Variants in GMDS observed in about 807,000 individuals in gnomAD.
GMDS encodes the protein GDP-mannose 4,6-dehydratase.
In GMDS, 20 loss-of-function variants were observed where a neutral mutation model predicts 49.9. The ratio of observed to expected loss-of-function variants is 0.40; its 90% CI spans 0.28 to 0.58. The LOEUF is 0.58. Among genes scored for constraint, GMDS ranks in the 20% least tolerant of loss-of-function variants. GMDS has a pLI of 0.42. For synonymous variants in GMDS, 177 were observed against 178.6 expected, an observed-to-expected ratio of 0.99 and a Z score of 0.07; for missense variants, 362 against 481.4, an observed-to-expected ratio of 0.75 and a Z score of 2.32.
intron 4 of GMDS, among the ~76,000 whole-genome samples, chr6:2,063,728 A>G (rs1384833157): frequency 6.6e-6 from 1 of 152,196 alleles, no homozygotes; most frequent in Non-Finnish European, 1.5e-5. Flanking sequence ...GCATTCGTGG[A>G]GCCCAAGGTC....
intron 2 of GMDS, among the ~76,000 whole-genome samples, chr6:2,122,086 C>G (rs1032449995): frequency 6.6e-6 from 1 of 152,176 alleles, no homozygotes; most frequent in Non-Finnish European, 1.5e-5. Flanking sequence ...TAGTATACCT[C>G]ATACAAAGGC....
At chr6:2,130,217 AT>A (rs1236526264) in intron 1 of GMDS, among the ~76,000 whole-genome samples, 2 of 152,264 alleles carry the variant, frequency 1.3e-5, no homozygotes, top group Non-Finnish European at 2.9e-5. Context: ...TAGAGCAATA[AT>A]TAACTAATTA....
At chr6:1,655,706 T>TGTTG (rs747119543) in intron 9 of GMDS, among the ~76,000 whole-genome samples, 4 of 152,176 alleles carry the variant, frequency 2.6e-5, no homozygotes, top group Non-Finnish European at 5.9e-5. Context: ...GGTTTCACCA[T>TGTTG]GTTGGCCAGG....
intron 4 of GMDS, among the ~76,000 whole-genome samples, chr6:1,965,133 T>C (rs1467872051): frequency 6.6e-6 from 1 of 152,146 alleles, no homozygotes; most frequent in Non-Finnish European, 1.5e-5. Context: ...GCAATAAACA[T>C]ATGTGTGCAT....
Position 2,068,062 on chromosome 6 carries a change from C to T in GMDS, c.345+47709G>A, listed in dbSNP as rs1448393158. ...TCCAGCAGCACATCAAAAAGCTTAT[C>T]CACCATGATCAAGTGGGCTTCATCC... On this transcript the variant is annotated intron_variant, in intron 4 of 10. Transcript: ENST00000380815. Among the ~76,000 whole-genome samples, 14 of 148,638 alleles carry T rather than the reference C, an allele frequency of 9.4e-5. 1 individual carries two copies. In the East Asian group the frequency reaches 1.8e-3, roughly 19 times the overall value.
chr6:1,984,753 G>C (rs560983772), intron 4 of GMDS, among the ~76,000 whole-genome samples: 7 of 152,138 alleles, frequency 4.6e-5, no homozygotes, highest in Non-Finnish European at 7.3e-5. Context: ...CAGAGCTTTC[G>C]GGTGAAGTTC....
chr6:1,744,581 GTTAAACA>G (rs376807835), intron 7 of GMDS, among the ~76,000 whole-genome samples: 64,442 of 151,496 alleles, frequency 0.43, 14,254 homozygotes, highest in East Asian at 0.65. Context: ...CCTGAACACT[GTTAAACA>G]CTGGGGGCTG....
intron 4 of GMDS, among the ~76,000 whole-genome samples, chr6:1,984,207 C>A (rs1283934158): frequency 6.6e-6 from 1 of 152,064 alleles, no homozygotes; most frequent in Non-Finnish European, 1.5e-5. Context: ...CTAACACACA[C>A]TGGGGCCTGT....
intron 9 of GMDS, among the ~76,000 whole-genome samples, chr6:1,720,096 T>G (rs1307236352): frequency 1.3e-5 from 2 of 152,230 alleles, no homozygotes; most frequent in African/African-American, 4.8e-5. Context: ...CATAAAGATT[T>G]TTGAGTCTTT....
At chr6:2,204,398 C>A (rs1779692036) in intron 1 of GMDS, among the ~76,000 whole-genome samples, 1 of 152,128 alleles carries the variant, frequency 6.6e-6, no homozygotes, top group Non-Finnish European at 1.5e-5. Flanking sequence ...GTAAAGGATA[C>A]CCTTTCACTC....
intron 7 of GMDS, among the ~76,000 whole-genome samples, chr6:1,884,197 A>T (rs1759494876): frequency 1.3e-5 from 2 of 152,248 alleles, no homozygotes; most frequent in Admixed American, 1.3e-4. Flanking sequence ...TGAAAAGCAG[A>T]TCAATACAAC....
chr6:1,840,919 C>T (rs944541062), intron 7 of GMDS, among the ~76,000 whole-genome samples: 5 of 152,094 alleles, frequency 3.3e-5, no homozygotes, highest in Non-Finnish European at 5.9e-5. Flanking sequence ...ATTGTGAGGG[C>T]GACTGTTGCA....
intron 9 of GMDS, among the ~76,000 whole-genome samples, chr6:1,714,795 G>A (rs1766112921): frequency 6.6e-6 from 1 of 152,260 alleles, no homozygotes; most frequent in Non-Finnish European, 1.5e-5. Flanking sequence ...TATTGTTGAT[G>A]CTGTCTGCCA....
At chr6:2,243,146 C>T (rs1209373128) in intron 1 of GMDS, among the ~76,000 whole-genome samples, 1 of 152,172 alleles carries the variant, frequency 6.6e-6, no homozygotes, top group Non-Finnish European at 1.5e-5. Context: ...TTCAACCCAA[C>T]CTGAAAGCCA....
intron 1 of GMDS, among the ~76,000 whole-genome samples, chr6:2,177,665 AAAACACT>A (rs1778345364): frequency 6.6e-6 from 1 of 152,324 alleles, no homozygotes; most frequent in African/African-American, 2.4e-5. Flanking sequence ...AAAAACCCTC[AAAACACT>A]AGGCATCAAA....
chr6:1,858,079 A>G (rs1198001710), intron 7 of GMDS, among the ~76,000 whole-genome samples: 1 of 152,222 alleles, frequency 6.6e-6, no homozygotes. Flanking sequence ...ATACTACCTA[A>G]GAGTAAAGTT....
At chr6:1,705,144 C>G (rs1440852181) in intron 9 of GMDS, among the ~76,000 whole-genome samples, 1 of 152,210 alleles carries the variant, frequency 6.6e-6, no homozygotes, top group East Asian at 1.9e-4. Context: ...AGGCCAGGCA[C>G]TGGGGATACA....
intron 1 of GMDS, among the ~76,000 whole-genome samples, chr6:2,129,861 T>C (rs931787661): frequency 6.6e-6 from 1 of 152,232 alleles, no homozygotes. Flanking sequence ...TAGGTCATGT[T>C]TGTAACACAA....
intron 4 of GMDS, among the ~76,000 whole-genome samples, chr6:1,968,594 A>G (rs2127315151): frequency 6.6e-6 from 1 of 152,104 alleles, no homozygotes; most frequent in South Asian, 2.1e-4. Context: ...CTCTTCCTCA[A>G]ATGGTAGTCT....
Sources: allele counts gnomAD v4.1 joint callset (sites outside exome capture counted in the v4.1 genomes callset), GRCh38; gene constraint gnomAD v4.1.1; transcripts MANE v1.5; gene names NCBI Gene and HGNC (gene_info 2026-07-23, HGNC 2026-07-21).